The following ABCA13 variants were observed in gnomAD, a reference collection of about 807,000 sequenced individuals.
ABCA13 encodes ATP-binding cassette sub-family A member 13.
A neutral mutation model predicts 478.7 loss-of-function variants in ABCA13; 476 were observed. The observed-to-expected ratio is 0.99, with a 90% CI of 0.92 to 1.07. ABCA13 has a LOEUF of 1.07. ABCA13 is among the 50% of genes least tolerant of loss of function. The probability of loss-of-function intolerance (pLI) is 0.00; values close to 1 mark genes in which losing one functional copy is unlikely to be tolerated. For synonymous variants in ABCA13, 2,252 were observed against 2,158.9 expected (o/e 1.04, Z -1.20); for missense variants, 6,060 against 5,910.6 (o/e 1.03, Z -0.83).
chr7:48,292,585 C>T (rs1261271593), intron 20 of ABCA13, among the ~76,000 whole-genome samples: 1 of 152,204 alleles, frequency 6.6e-6, no homozygotes, highest in Non-Finnish European at 1.5e-5. Flanking sequence ...TGGCATATCT[C>T]TCCTTCTGCC....
At chr7:48,507,599 G>A (rs987706348) in intron 49 of ABCA13, among the ~76,000 whole-genome samples, 4 of 152,066 alleles carry the variant, frequency 2.6e-5, no homozygotes, top group African/African-American at 9.7e-5. Context: ...CAGGCTCAAT[G>A]GTGAAGAGCA....
chr7:48,379,535 TG>T (rs1814021533), intron 35 of ABCA13, among the ~76,000 whole-genome samples: 1 of 152,148 alleles, frequency 6.6e-6, no homozygotes. Context: ...CAGGCATGAA[TG>T]CATCGGAACA....
chr7:48,492,666 T>A (rs941723573), intron 48 of ABCA13, among the ~76,000 whole-genome samples: 8 of 152,138 alleles, frequency 5.3e-5, no homozygotes, highest in African/African-American at 1.4e-4. Flanking sequence ...CTTATTGCTG[T>A]TGCCATGCCC....
At chr7:48,364,206 A>G (rs796429500) in intron 31 of ABCA13, among the ~76,000 whole-genome samples, 102 of 152,288 alleles carry the variant, frequency 6.7e-4, no homozygotes, top group African/African-American at 2.2e-3. Flanking sequence ...GATTTCTCAC[A>G]TAGCCTCCGT....
In ABCA13 at chr7:48,387,810, T is replaced by C; in HGVS notation, c.11336-12T>C. The C allele has an allele frequency of 6.5e-7, 1 of 1,540,602 alleles. No individual in the cohort carries two copies. ...AAAAAATTAAACTAATTTTAATTGTTTCATTTTTTAGGAACATTTGGTTTA... is the reference window on the plus strand; with the variant it reads ...AAAAAATTAAACTAATTTTAATTGTCTCATTTTTTAGGAACATTTGGTTTA... On this transcript the variant is annotated splice_polypyrimidine_tract_variant and intron_variant, in intron 35 of 61. Transcript: ENST00000435803.
At chr7:48,503,863 G>A (rs1420556460) in intron 48 of ABCA13, among the ~76,000 whole-genome samples, 1 of 152,018 alleles carries the variant, frequency 6.6e-6, no homozygotes, top group Non-Finnish European at 1.5e-5. Flanking sequence ...AATTTTCTGA[G>A]GCACCCCTAT....
At chr7:48,252,197 AT>A (rs534807101) in intron 15 of ABCA13, among the ~76,000 whole-genome samples, 5 of 148,966 alleles carry the variant, frequency 3.4e-5, no homozygotes, top group Middle Eastern at 3.2e-3. Flanking sequence ...GGCTGTGTTC[AT>A]TTTTTTTTCT....
At chr7:48,530,518 G>C (rs180876117) in intron 55 of ABCA13, among the ~76,000 whole-genome samples, 2 of 152,080 alleles carry the variant, frequency 1.3e-5, no homozygotes, top group African/African-American at 4.8e-5. Flanking sequence ...TAGTGAGATT[G>C]CTGGATCAAA....
intron 3 of ABCA13, among the ~76,000 whole-genome samples, chr7:48,217,128 A>AT (rs1378040339): frequency 1.1e-4 from 16 of 152,216 alleles, no homozygotes; most frequent in African/African-American, 3.6e-4. Flanking sequence ...TATTAAAAAG[A>AT]TACCTGCTCT....
intron 55 of ABCA13, among the ~76,000 whole-genome samples, chr7:48,561,826 C>A (rs940439043): frequency 1.4e-5 from 2 of 148,028 alleles, no homozygotes; most frequent in Non-Finnish European, 3.0e-5. Context: ...AGTTTTTTCT[C>A]CTATGTTTTT....
chr7:48,291,206 A>T, intron 20 of ABCA13, among the ~76,000 whole-genome samples: 1 of 152,268 alleles, frequency 6.6e-6, no homozygotes, highest in East Asian at 1.9e-4. Flanking sequence ...AGGCTGGAGG[A>T]GGCTGTGTCT....
chr7:48,644,673 T>A lies in ABCA13; in HGVS notation c.15000T>A (p.Ala5000=). The change falls in exon 61 of 62, where the codon GCT becomes GCA. Residue 5000 remains alanine (A), a synonymous_variant. Coordinates refer to ENST00000435803, the MANE Select transcript of ABCA13 (RefSeq NM_152701.5). The part of the protein sequence containing the change: ...YHVPKRWGCL[A]DLFKVIENNK... ...TGCCAAAAAGATGGGGATGCCTAGC[T>A]GACTTGTTCAAAGTTATAGAGAACA... is the stretch of plus-strand genomic sequence containing the variant. The A allele has an allele frequency of 6.2e-7, 1 of 1,612,690 alleles. No individual in the cohort carries two copies. Among genetic ancestry groups the A allele is most frequent in the Non-Finnish European group, 8.5e-7 (1 of 1,179,564 alleles).
chr7:48,410,090 T>C (rs1349372787), intron 39 of ABCA13, among the ~76,000 whole-genome samples: 1 of 77,656 alleles, frequency 1.3e-5, no homozygotes, highest in Non-Finnish European at 2.6e-5. Context: ...CAAGACTCCA[T>C]CTCAAAAAAA....
At chr7:48,573,446 A>C (rs1342098285) in intron 55 of ABCA13, among the ~76,000 whole-genome samples, 1 of 152,008 alleles carries the variant, frequency 6.6e-6, no homozygotes, top group East Asian at 1.9e-4. Flanking sequence ...TTGTAATCCC[A>C]GTGCTCTGGG....
At chr7:48,560,135 C>T (rs66729625) in intron 55 of ABCA13, among the ~76,000 whole-genome samples, 21,088 of 152,110 alleles carry the variant, frequency 0.14, 1,833 homozygotes, top group African/African-American at 0.23. Flanking sequence ...TCAAGTTTAC[C>T]TAGGACCCTA....
intron 42 of ABCA13, among the ~76,000 whole-genome samples, chr7:48,445,384 G>C (rs2129174011): frequency 6.6e-6 from 1 of 152,210 alleles, no homozygotes. Flanking sequence ...CATCTTCTGG[G>C]ACTCAAATTC....
At chr7:48,511,242 C>A in intron 51 of ABCA13, 43 bp downstream of exon 51, 1 of 1,523,572 alleles carries the variant, frequency 6.6e-7, no homozygotes, top group East Asian at 2.3e-5. Context: ...GGTTTGTTTT[C>A]TGAAAGAGAA....
intron 24 of ABCA13, 61 bp from the exon 25 acceptor site, chr7:48,313,006 C>A: frequency 1.5e-5 from 21 of 1,438,480 alleles, no homozygotes; most frequent in Non-Finnish European, 1.9e-5. Context: ...AAAGATGCTT[C>A]TGAGTGTAAA....
chr7:48,427,729 C>A, intron 41 of ABCA13, 37 bp from the exon 42 acceptor site: 1 of 1,405,960 alleles, frequency 7.1e-7, no homozygotes, highest in Non-Finnish European at 1.0e-6. Flanking sequence ...TGTATAGAAA[C>A]ATAAAATAAT....
Sources: allele counts gnomAD v4.1 joint callset (sites outside exome capture counted in the v4.1 genomes callset), GRCh38; gene constraint gnomAD v4.1.1; transcripts MANE v1.5; gene names NCBI Gene and HGNC (gene_info 2026-07-23, HGNC 2026-07-21).